Variants in ANKRD7 observed in about 807,000 individuals in gnomAD.
The protein encoded by ANKRD7 is ankyrin repeat domain-containing protein 7.
ANKRD7 carries 30 observed loss-of-function variants against 30.8 expected under a neutral mutation model. That is an observed-to-expected ratio of 0.97 (90% CI 0.73 to 1.32). The LOEUF (loss-of-function observed/expected upper bound fraction) is 1.32, where lower values mean the gene tolerates loss of function less well. ANKRD7 is among the 40% of genes most tolerant of loss of function. ANKRD7 has a pLI of 0.00. For synonymous variants in ANKRD7, 97 were observed against 106.6 expected (o/e 0.91, Z 0.55); for missense variants, 264 against 295.7 (o/e 0.89, Z 0.79).
intron 6 of ANKRD7, among the ~76,000 whole-genome samples, chr7:118,241,046 C>A (rs1426591788): frequency 1.4e-5 from 2 of 146,108 alleles, no homozygotes; most frequent in Admixed American, 7.0e-5. Flanking sequence ...CCCAGCTACT[C>A]GGGAGGCTGA....
At chr7:118,234,134 T>G (rs1024694396) in intron 1 of ANKRD7, among the ~76,000 whole-genome samples, 3 of 152,190 alleles carry the variant, frequency 2.0e-5, no homozygotes, top group African/African-American at 7.2e-5. Context: ...CCTAACTTTA[T>G]TATCTTTTCC....
At chr7:118,234,919 C>T (rs1356166386) in intron 3 of ANKRD7, 45 bp downstream of exon 3, 1 of 1,466,194 alleles carries the variant, frequency 6.8e-7, no homozygotes, top group Non-Finnish European at 9.2e-7. Flanking sequence ...TAGAAAGCAA[C>T]TGAAGAGCAT....
intron 6 of ANKRD7, 71 bp downstream of exon 6, chr7:118,240,069 C>T (rs1418542341): frequency 1.2e-6 from 1 of 825,102 alleles, no homozygotes; most frequent in Non-Finnish European, 1.7e-6. Context: ...GGAAAGGAAA[C>T]AACTTTCTTA....
rs543341377 is a variant in ANKRD7 at position 118,235,725 on chromosome 7, A to G, written c.469-316A>G. Among the ~76,000 whole-genome samples the G allele has an allele frequency of 5.3e-5, 8 of 152,184 alleles. No homozygotes were observed. The South Asian group carries it at 1.7e-3, about 32-fold the overall frequency. On this transcript the variant is annotated intron_variant, in intron 3 of 6. Coordinates refer to ENST00000265224, the MANE Select transcript of ANKRD7 (RefSeq NM_019644.4). ...GAAACCCAGTGGAAATCTGAATGTG[A>G]CAATATTATGAAATGTGAATTGACA...
Position 118,234,741 on chromosome 7 carries a change from TA to T in ANKRD7, c.338del (p.Asn113ThrfsTer8). On this transcript the variant is annotated frameshift_variant, in exon 3 of 7. Transcript: ENST00000265224. LOFTEE classifies it high-confidence loss of function. ...CQNEDCATIL[L>X]NFGADPDLRD... ...AATGAGGATTGTGCTACTATTCTTC[TA>T]AACTTTGGTGCAGACCCAGATCTGA... 3 of 1,612,224 alleles carry T rather than the reference TA, an allele frequency of 1.9e-6. No homozygotes were observed. The highest frequency in any genetic ancestry group is 1.7e-6 in the Non-Finnish European group (2 of 1,179,506).
chr7:118,237,009 G>A (rs1441732603), intron 5 of ANKRD7, 83 bp downstream of exon 5: 13 of 1,444,520 alleles, frequency 9.0e-6, no homozygotes, highest in Non-Finnish European at 1.2e-5. Flanking sequence ...TACAAGGCTG[G>A]AATAGGCTCA....
intron 1 of ANKRD7, among the ~76,000 whole-genome samples, chr7:118,232,910 A>G (rs1584723807): frequency 6.6e-6 from 1 of 152,150 alleles, no homozygotes; most frequent in Non-Finnish European, 1.5e-5. Flanking sequence ...AGGATTTGCT[A>G]TCTACTGCAA....
chr7:118,239,965 C>T lies in ANKRD7; in HGVS notation c.*4C>T. On this transcript the variant is annotated 3_prime_UTR_variant, in exon 6 of 7. Coordinates refer to ENST00000265224, the MANE Select transcript of ANKRD7 (RefSeq NM_019644.4). ...AAAGAAGAAACATGCTAAATAGACA[C>T]CTTATTCTTGGCACTACATGTGACT... 3 of 1,586,678 alleles carry T rather than the reference C, an allele frequency of 1.9e-6. No homozygotes were observed. Among genetic ancestry groups the T allele is most frequent in the Non-Finnish European group, 2.6e-6 (3 of 1,163,416 alleles).
Position 118,234,699 on chromosome 7 carries a change from A to T in ANKRD7, c.295-2A>T, listed in dbSNP as rs1299878600. 6.2e-7 allele frequency: 1 copy of T among 1,603,090 alleles called. No homozygotes were observed. On this transcript the variant is annotated splice_acceptor_variant, in intron 2 of 6. Transcript: ENST00000265224. LOFTEE classifies it high-confidence loss of function. Reference sequence around the variant, plus strand: ...ACTCATCTACTCTTGTTGCATTAACAGGCAGTACAGTGTCAAAATGAGGAT... The same window carrying T: ...ACTCATCTACTCTTGTTGCATTAACTGGCAGTACAGTGTCAAAATGAGGAT...
chr7:118,231,949 C>A (rs537019011), intron 1 of ANKRD7, among the ~76,000 whole-genome samples: 1 of 152,136 alleles, frequency 6.6e-6, no homozygotes, highest in South Asian at 2.1e-4. Context: ...AAACTAAAGT[C>A]TTAAATTGGG....
intron 3 of ANKRD7, 41 bp from the exon 4 acceptor site, chr7:118,236,000 T>G (rs1029358091): frequency 1.1e-5 from 12 of 1,115,930 alleles, no homozygotes; most frequent in Non-Finnish European, 1.4e-5. Flanking sequence ...AGCATGAAAA[T>G]TTGCTACAAT....
In ANKRD7 at chr7:118,239,736, C is replaced by T. The variant is rs148907365; in HGVS notation, c.713-173C>T. ...AAAGAGGTGCCAGAGAATGGGAGTA[C>T]ATGAAATAAAAGTGGTGTCTGTTGA... On this transcript the variant is annotated intron_variant, in intron 5 of 6. Coordinates refer to ENST00000265224, the MANE Select transcript of ANKRD7 (RefSeq NM_019644.4). 1,971 of 369,108 alleles carry T rather than the reference C, an allele frequency of 5.3e-3. 36 individuals are homozygous for T. Among genetic ancestry groups the T allele is most frequent in the African/African-American group, 0.037 (1,764 of 48,046 alleles). 22.9% of individuals were successfully genotyped at this position (369,108 alleles called of 1,614,324 possible).
In ANKRD7 at chr7:118,236,891, A is replaced by G; in HGVS notation, c.677A>G (p.Gln226Arg). 4.3e-6 allele frequency: 7 copies of G among 1,614,026 alleles called. No individual in the cohort carries two copies. The highest frequency in any genetic ancestry group is 5.9e-6 in the Non-Finnish European group (7 of 1,179,908). ...ELCYEGIVDS[Q>R]LRNMFISMVL... ...TGTTACGAAGGTATTGTGGATTCACAGCTGAGGAATATGTTTATTTCCATG... is the reference window on the plus strand; with the variant it reads ...TGTTACGAAGGTATTGTGGATTCACGGCTGAGGAATATGTTTATTTCCATG... Residue 226 changes from glutamine to arginine, a missense_variant, in exon 5 of 7, where the codon CAG becomes CGG. Gln to Arg is a conservative substitution (Grantham distance 43). Coordinates refer to ENST00000265224, the MANE Select transcript of ANKRD7 (RefSeq NM_019644.4).
At chr7:118,226,274 A>T (rs781620574) in intron 1 of ANKRD7, among the ~76,000 whole-genome samples, 9 of 152,206 alleles carry the variant, frequency 5.9e-5, no homozygotes, top group Non-Finnish European at 1.0e-4. Flanking sequence ...TCGCTGTTTA[A>T]TCAAATTCTT....
intron 5 of ANKRD7, among the ~76,000 whole-genome samples, chr7:118,238,353 G>A (rs748160939): frequency 6.6e-6 from 1 of 151,566 alleles, no homozygotes; most frequent in East Asian, 1.9e-4. Flanking sequence ...ACTTCCTAAT[G>A]ATTAAGCAAT....
intron 5 of ANKRD7, among the ~76,000 whole-genome samples, chr7:118,239,069 G>GA (rs1809780019): frequency 6.6e-6 from 1 of 152,136 alleles, no homozygotes; most frequent in African/African-American, 2.4e-5. Flanking sequence ...TGACTTATAT[G>GA]AAAAGGCCAG....
At chr7:118,237,152 T>C (rs1219498426) in intron 5 of ANKRD7, among the ~76,000 whole-genome samples, 1 of 152,138 alleles carries the variant, frequency 6.6e-6, no homozygotes, top group African/African-American at 2.4e-5. Flanking sequence ...ATTGGAAGTG[T>C]GCCAGGGTAG....
chr7:118,230,657 G>A (rs1322782193), intron 1 of ANKRD7, among the ~76,000 whole-genome samples: 1 of 151,446 alleles, frequency 6.6e-6, no homozygotes, highest in Non-Finnish European at 1.5e-5. Flanking sequence ...TGTGTAGAGA[G>A]AGAGAGAGAG....
At chr7:118,229,351 G>A (rs1355888674) in intron 1 of ANKRD7, among the ~76,000 whole-genome samples, 2 of 151,790 alleles carry the variant, frequency 1.3e-5, no homozygotes. Context: ...ACTTAATATT[G>A]TCTTATGTAC....
Sources: allele counts gnomAD v4.1 joint callset (sites outside exome capture counted in the v4.1 genomes callset), GRCh38; gene constraint gnomAD v4.1.1; transcripts MANE v1.5; gene names NCBI Gene and HGNC (gene_info 2026-07-23, HGNC 2026-07-21).